Variants in CYTIP observed in about 807,000 individuals in gnomAD.
The protein encoded by CYTIP is cytohesin-interacting protein.
CYTIP carries 26 observed loss-of-function variants against 43.8 expected under a neutral mutation model. The ratio of observed to expected loss-of-function variants is 0.59; its 90% CI spans 0.44 to 0.82. The LOEUF (loss-of-function observed/expected upper bound fraction) is 0.82. Ranked by LOEUF, CYTIP falls within the 40% of genes least tolerant of loss-of-function variation. CYTIP has a pLI of 0.00. For synonymous variants in CYTIP, 162 were observed against 162.9 expected, an observed-to-expected ratio of 0.99 and a Z score of 0.04; for missense variants, 426 against 443.1, an observed-to-expected ratio of 0.96 and a Z score of 0.35.
At chr2:157,438,892 A>G (rs532166841) in intron 1 of CYTIP, 18 of 357,120 alleles carry the variant, frequency 5.0e-5, no homozygotes, top group African/African-American at 3.6e-4. Context: ...CCCTTTTAGT[A>G]TGCCGGAAAT....
At chr2:157,434,153 T>C in intron 3 of CYTIP, 1 of 589,914 alleles carries the variant, frequency 1.7e-6, no homozygotes, top group Admixed American at 3.2e-5. Context: ...CACAAACTGC[T>C]GAGCATATCG....
At chr2:157,425,983 T>G (rs920096966) in intron 6 of CYTIP, among the ~76,000 whole-genome samples, 2 of 151,926 alleles carry the variant, frequency 1.3e-5, no homozygotes, top group Admixed American at 6.6e-5. Context: ...GCAAAAAATT[T>G]TATTATCTGC....
intron 6 of CYTIP, among the ~76,000 whole-genome samples, chr2:157,420,963 C>T (rs1360762863): frequency 6.6e-6 from 1 of 152,182 alleles, no homozygotes; most frequent in African/African-American, 2.4e-5. Context: ...TTTATATATA[C>T]AGTCAATTTT....
chr2:157,417,298 T>C (rs1057096190), intron 7 of CYTIP, among the ~76,000 whole-genome samples: 7 of 152,190 alleles, frequency 4.6e-5, no homozygotes, highest in South Asian at 2.1e-4. Context: ...GGAGAGCAAT[T>C]GCCTTATAGA....
chr2:157,433,005 T>C (rs1254149335), intron 3 of CYTIP, among the ~76,000 whole-genome samples: 1 of 152,210 alleles, frequency 6.6e-6, no homozygotes. Context: ...TGACATAGTT[T>C]TGACTCTTGC....
chr2:157,437,073 G>A lies in CYTIP; in HGVS notation c.175-2326C>T, dbSNP rs1231809298. On this transcript the variant is annotated intron_variant, in intron 1 of 7. Transcript: ENST00000264192. Reference sequence around the variant, plus strand: ...AGAAATCAACTGAAAATAAGTAAATGGATCAAAACCTTCATGTAAAACCTG... The same window carrying A: ...AGAAATCAACTGAAAATAAGTAAATAGATCAAAACCTTCATGTAAAACCTG... Among the ~76,000 whole-genome samples the A allele has an allele frequency of 5.3e-5, 8 of 151,988 alleles. No homozygotes were observed. The East Asian group carries it at 1.3e-3, about 26-fold the overall frequency.
chr2:157,420,650 C>CAAAAAAAAA (rs56029960), intron 6 of CYTIP, among the ~76,000 whole-genome samples: 1 of 70,100 alleles, frequency 1.4e-5, no homozygotes, highest in Non-Finnish European at 2.6e-5. Flanking sequence ...GACCCTGCCA[C>CAAAAAAAAA]AAAAAAAAAA....
intron 7 of CYTIP, 57 bp from the exon 8 acceptor site, chr2:157,416,200 A>C: frequency 7.4e-7 from 1 of 1,345,052 alleles, no homozygotes; most frequent in Non-Finnish European, 1.0e-6. Context: ...ACAAATAAAT[A>C]CACTACATCA....
At position 157,434,370 on chromosome 2, in the gene CYTIP, C is replaced by T; in HGVS notation, c.279G>A (p.Gln93=). The change falls in exon 3 of 8, where the codon CAG becomes CAA. Residue 93 remains glutamine, a splice_region_variant and synonymous_variant. Transcript: ENST00000264192. The stretch of plus-strand genomic sequence containing the variant: ...TCTAGAAAATGTGAAAATTGCCCAC[C>T]TGAATTTCAAATCCAAATGTTTCAT... ...QDNETFGFEI[Q]SYRPQNQNAC... The T allele has an allele frequency of 1.2e-6, 2 of 1,612,532 alleles. No individual in the cohort carries two copies. Among genetic ancestry groups the T allele is most frequent in the Non-Finnish European group, 1.7e-6 (2 of 1,178,780 alleles).
At chr2:157,434,930 C>T (rs1385207862) in intron 1 of CYTIP, among the ~76,000 whole-genome samples, 183 bp from the exon 2 acceptor site, 2 of 146,216 alleles carry the variant, frequency 1.4e-5, no homozygotes, top group Non-Finnish European at 3.0e-5. Flanking sequence ...TTTGGCCCAG[C>T]TCCTGGGAAA....
At chr2:157,420,081 A>G (rs1394114098) in intron 6 of CYTIP, among the ~76,000 whole-genome samples, 1 of 152,252 alleles carries the variant, frequency 6.6e-6, no homozygotes, top group East Asian at 1.9e-4. Context: ...TACGCCTGTA[A>G]TCTCAGCACT....
intron 1 of CYTIP, among the ~76,000 whole-genome samples, chr2:157,441,012 AG>A (rs1459168704): frequency 6.6e-6 from 1 of 152,120 alleles, no homozygotes; most frequent in Non-Finnish European, 1.5e-5. Flanking sequence ...CTATCAGTAC[AG>A]GTAGTGAGAT....
chr2:157,424,519 A>G (rs892328564), intron 6 of CYTIP, among the ~76,000 whole-genome samples: 7 of 150,996 alleles, frequency 4.6e-5, no homozygotes, highest in African/African-American at 1.7e-4. Flanking sequence ...TCAAATTGAT[A>G]TATATATATA....
intron 1 of CYTIP, among the ~76,000 whole-genome samples, chr2:157,437,258 AAC>A (rs1685824543): frequency 6.6e-6 from 1 of 152,220 alleles, no homozygotes; most frequent in African/African-American, 2.4e-5. Flanking sequence ...GCAAACAATT[AAC>A]AGAGTGAAAA....
At chr2:157,430,835 T>G in intron 4 of CYTIP, 25 bp downstream of exon 4, 1 of 1,589,808 alleles carries the variant, frequency 6.3e-7, no homozygotes, top group Non-Finnish European at 8.6e-7. Flanking sequence ...AAATGATTCC[T>G]AACATGAGCA....
intron 2 of CYTIP, 116 bp from the exon 3 acceptor site, chr2:157,434,540 TGTA>T: frequency 1.0e-6 from 1 of 973,030 alleles, no homozygotes; most frequent in Non-Finnish European, 1.6e-6. Context: ...TTATGTAAAT[TGTA>T]GTATGTAAGA....
At chr2:157,433,601 A>T (rs1685748095) in intron 3 of CYTIP, among the ~76,000 whole-genome samples, 1 of 152,184 alleles carries the variant, frequency 6.6e-6, no homozygotes, top group Admixed American at 6.5e-5. Context: ...TATGGAAAAA[A>T]AAAACAGAAA....
At chr2:157,419,903 T>C (rs753497555) in intron 6 of CYTIP, among the ~76,000 whole-genome samples, 2 of 152,232 alleles carry the variant, frequency 1.3e-5, no homozygotes, top group African/African-American at 2.4e-5. Context: ...GGCAGAATTT[T>C]CCAAACTTTG....
chr2:157,427,454 G>A (rs62175246), intron 5 of CYTIP, 34 bp from the exon 6 acceptor site: 2 of 1,498,786 alleles, frequency 1.3e-6, no homozygotes, highest in Non-Finnish European at 1.8e-6. Context: ...AGAGGAAGGT[G>A]GGGAGTGAGT....
Sources: allele counts gnomAD v4.1 joint callset (sites outside exome capture counted in the v4.1 genomes callset), GRCh38; gene constraint gnomAD v4.1.1; transcripts MANE v1.5; gene names NCBI Gene and HGNC (gene_info 2026-07-23, HGNC 2026-07-21).